The following SMARCA1 variants were observed in gnomAD, a reference collection of about 807,000 sequenced individuals.
SMARCA1 encodes the protein SNF2 related chromatin remodeling ATPase 1.
SMARCA1 carries 17 observed loss-of-function variants against 93.6 expected under a neutral mutation model. That is an observed-to-expected ratio of 0.18 (90% CI 0.12 to 0.27). SMARCA1 has a LOEUF of 0.27. SMARCA1 is among the 10% of genes least tolerant of loss of function. The pLI is 1.00. For synonymous variants in SMARCA1, 271 were observed against 271.4 expected, an observed-to-expected ratio of 1.00 and a Z score of 0.01; for missense variants, 630 against 819.0, an observed-to-expected ratio of 0.77 and a Z score of 2.82.
At position 129,516,397 on chromosome X, in the gene SMARCA1, A is replaced by G; in HGVS notation, c.362T>C (p.Leu121Pro). Reference sequence around the variant, plus strand: ...TCGGGGACGTCCCAATTTCATGTTCAGTGGAGATGTTGGAGATTTCTGTGC... The same window carrying G: ...TCGGGGACGTCCCAATTTCATGTTCGGTGGAGATGTTGGAGATTTCTGTGC... ...PSAQKSPTSPLNMKLGRPRIK... is the reference protein window; with the variant it reads ...PSAQKSPTSPPNMKLGRPRIK... The change falls in exon 3 of 25, where the codon CTG becomes CCG. Residue 121 changes from leucine (L) to proline (P), a missense_variant. Leu to Pro is a moderately conservative substitution (Grantham distance 98, BLOSUM62 -3). Around this residue, in one of 4 missense-constraint regions of SMARCA1, gnomAD observed 382 missense variants for 537.9 expected, o/e 0.71. Transcript: ENST00000371121. 2 of 1,208,549 alleles carry G rather than the reference A, an allele frequency of 1.7e-6. No homozygotes were observed. The highest frequency in any genetic ancestry group is 2.2e-6 in the Non-Finnish European group (2 of 892,645).
chrX:129,458,972 ATAC>A (rs201584089), intron 23 of SMARCA1, among the ~76,000 whole-genome samples: 2,892 of 112,324 alleles, frequency 0.026, 95 homozygotes, highest in African/African-American at 0.088. Flanking sequence ...AATCTCTATC[ATAC>A]TAACGAAAAG....
intron 19 of SMARCA1, among the ~76,000 whole-genome samples, chrX:129,476,344 C>G (rs1317987155): frequency 1.8e-5 from 2 of 111,851 alleles, no homozygotes; most frequent in African/African-American, 6.5e-5. Flanking sequence ...AACTCCAGAT[C>G]TTATTATCAG....
rs1935277326 is a variant in SMARCA1, at chrX:129,518,427, T to C, written c.195A>G (p.Gln65=). ...KKKEKNVSSF[Q]LKLAAKAPKS... is the part of the protein sequence containing the mutation. ...TAGGCGCTTTAGCAGCAAGTTTGAG[T>C]TGAAATGAAGAAACGTTTTTCTAGA... The change falls in exon 2 of 25, where the codon CAA becomes CAG. Residue 65 remains glutamine (Q), a synonymous_variant. Transcript: ENST00000371121. 8.4e-7 allele frequency: 1 copy of C among 1,187,171 alleles called. No individual in the cohort carries two copies. The highest frequency in any genetic ancestry group is 1.1e-6 in the Non-Finnish European group (1 of 880,919).
intron 13 of SMARCA1, among the ~76,000 whole-genome samples, chrX:129,492,558 T>C (rs575455396): frequency 1.3e-4 from 14 of 111,022 alleles, no homozygotes; most frequent in Middle Eastern, 4.7e-3. Flanking sequence ...GAGAAAATGG[T>C]TTACAAATGG....
At chrX:129,475,423 G>A (rs146712083) in intron 19 of SMARCA1, among the ~76,000 whole-genome samples, 3,325 of 110,740 alleles carry the variant, frequency 0.03, 60 homozygotes, top group Non-Finnish European at 0.045. Context: ...GGAGGCTAAG[G>A]AAGGAGAATT....
intron 23 of SMARCA1, among the ~76,000 whole-genome samples, chrX:129,457,910 C>T (rs1932705492): frequency 8.9e-6 from 1 of 111,764 alleles, no homozygotes; most frequent in African/African-American, 3.3e-5. Flanking sequence ...GCTAAATATC[C>T]TCTCCCTTTA....
chrX:129,492,919 T>C, intron 13 of SMARCA1, 121 bp downstream of exon 13: 1 of 317,840 alleles, frequency 3.1e-6, no homozygotes, highest in Non-Finnish European at 5.7e-6. Flanking sequence ...TAATACTCAA[T>C]GTTGATGAGG....
At chrX:129,458,641 C>G (rs776500057) in intron 23 of SMARCA1, among the ~76,000 whole-genome samples, 1 of 111,927 alleles carries the variant, frequency 8.9e-6, no homozygotes, top group Non-Finnish European at 1.9e-5. Flanking sequence ...CTTGAAGTGA[C>G]TTATTGAAAG....
chrX:129,515,297 G>A (rs1268082048), intron 5 of SMARCA1, among the ~76,000 whole-genome samples: 9 of 110,612 alleles, frequency 8.1e-5, no homozygotes, highest in African/African-American at 2.6e-4. Flanking sequence ...GTCGAGGTGG[G>A]AGGACTGCTT....
intron 1 of SMARCA1, among the ~76,000 whole-genome samples, chrX:129,521,901 G>A (rs950297038): frequency 1.8e-5 from 2 of 112,104 alleles, no homozygotes; most frequent in Admixed American, 9.5e-5. Context: ...AGAAGCAACT[G>A]CTAAATTTAA....
intron 11 of SMARCA1, 144 bp from the exon 12 acceptor site, chrX:129,497,015 A>C: frequency 2.2e-6 from 1 of 449,235 alleles, no homozygotes; most frequent in African/African-American, 2.4e-5. Context: ...ACACACACAC[A>C]CACACACCCC....
chrX:129,477,442 A>C (rs1281996373), intron 19 of SMARCA1, among the ~76,000 whole-genome samples: 1 of 110,819 alleles, frequency 9.0e-6, no homozygotes, highest in East Asian at 2.8e-4. Context: ...AGTCCCAGCT[A>C]CTTGGGAGGC....
chrX:129,475,889 T>C lies in SMARCA1; in HGVS notation c.2443-4563A>G, dbSNP rs140345427. 6.5e-3 allele frequency among the ~76,000 whole-genome samples: 735 copies of C among 112,317 alleles called. 7 individuals are homozygous for C. The highest frequency in any genetic ancestry group is 0.022 in the African/African-American group (687 of 30,992). On this transcript the variant is annotated intron_variant, in intron 19 of 24. Transcript: ENST00000371121. ...TATTTTAGTTCTACCACTGAAAAAGTAGGTGGCCCACAATGACACATTACC... is the reference window on the plus strand; with the variant it reads ...TATTTTAGTTCTACCACTGAAAAAGCAGGTGGCCCACAATGACACATTACC...
chrX:129,507,812 A>G (rs968666141), intron 7 of SMARCA1, 129 bp downstream of exon 7: 9 of 434,905 alleles, frequency 2.1e-5, no homozygotes, highest in Non-Finnish European at 2.7e-5. Flanking sequence ...TCGGCCTCCC[A>G]AAGTGCTGGG....
intron 3 of SMARCA1, 23 bp downstream of exon 3, chrX:129,516,308 T>TAG: frequency 1.7e-6 from 2 of 1,192,073 alleles, no homozygotes; most frequent in Non-Finnish European, 2.3e-6. Context: ...GGAAAGAAAG[T>TAG]AGAGAGAGAG....
chrX:129,453,433 G>T (rs1932412766), intron 23 of SMARCA1, among the ~76,000 whole-genome samples: 1 of 111,760 alleles, frequency 8.9e-6, no homozygotes, highest in Non-Finnish European at 1.9e-5. Flanking sequence ...CACAGTATTG[G>T]AAGTTCTGGC....
chrX:129,450,939 C>CAAAATAAG (rs1932260702), intron 23 of SMARCA1, among the ~76,000 whole-genome samples: 1 of 110,866 alleles, frequency 9.0e-6, no homozygotes, highest in South Asian at 3.8e-4. Flanking sequence ...ATGTAAGATA[C>CAAAATAAG]AAAATAAGAT....
chrX:129,516,854 T>C (rs1935219840), intron 2 of SMARCA1, among the ~76,000 whole-genome samples: 1 of 111,858 alleles, frequency 8.9e-6, no homozygotes, highest in South Asian at 3.7e-4. Context: ...TTCCAAAACA[T>C]CATTTTATTA....
chrX:129,482,424 A>T (rs921026945), intron 17 of SMARCA1, among the ~76,000 whole-genome samples: 1 of 112,184 alleles, frequency 8.9e-6, no homozygotes, highest in African/African-American at 3.2e-5. Flanking sequence ...ATCCCTTCAA[A>T]TCAAGAGAAA....
Sources: gnomAD v4.1 joint callset for allele counts (sites outside exome capture counted in the v4.1 genomes callset) on GRCh38, gnomAD v4.1.1 for gene constraint, gnomAD v4.1.1 regional missense constraint, MANE v1.5 for transcripts, NCBI Gene and HGNC (gene_info 2026-07-23, HGNC 2026-07-21) for gene names.